Variants in PRKN observed in about 807,000 individuals in gnomAD.
The protein encoded by PRKN is E3 ubiquitin-protein ligase parkin.
Under a neutral mutation model 59.5 loss-of-function variants are expected in PRKN, and 56 were observed. That is an observed-to-expected ratio of 0.94 (90% CI 0.76 to 1.18). The LOEUF (loss-of-function observed/expected upper bound fraction) is 1.18, where lower values mean the gene tolerates loss of function less well. Ranked by LOEUF, PRKN falls within the 50% of genes most tolerant of loss-of-function variation. PRKN has a pLI of 0.00. For synonymous variants in PRKN, 250 were observed against 222.1 expected, an observed-to-expected ratio of 1.13 and a Z score of -1.12; for missense variants, 657 against 596.4, an observed-to-expected ratio of 1.10 and a Z score of -1.06.
intron 1 of PRKN, among the ~76,000 whole-genome samples, chr6:162,498,040 T>C (rs919150009): frequency 6.6e-5 from 10 of 152,158 alleles, no homozygotes; most frequent in Non-Finnish European, 8.8e-5. Context: ...AATTGTTATA[T>C]GTCTATTTAA....
intron 1 of PRKN, among the ~76,000 whole-genome samples, chr6:162,616,413 G>A (rs1256031712): frequency 4.6e-5 from 7 of 151,812 alleles, no homozygotes; most frequent in East Asian, 1.9e-4. Flanking sequence ...GCCCCACCCC[G>A]TTGCTATCAC....
intron 7 of PRKN, among the ~76,000 whole-genome samples, chr6:161,573,735 A>C (rs1780990182): frequency 2.9e-5 from 1 of 35,074 alleles, no homozygotes; most frequent in Non-Finnish European, 5.1e-5. Context: ...AAAAAAAAAA[A>C]AAAAAAAAAA....
At chr6:162,395,930 G>A (rs534698924) in intron 2 of PRKN, among the ~76,000 whole-genome samples, 1 of 152,306 alleles carries the variant, frequency 6.6e-6, no homozygotes, top group Middle Eastern at 3.4e-3. Flanking sequence ...CTAAGTTGTA[G>A]AACTCAGGCA....
intron 1 of PRKN, among the ~76,000 whole-genome samples, chr6:162,590,358 G>T (rs1181855815): frequency 6.6e-6 from 1 of 152,076 alleles, no homozygotes; most frequent in African/African-American, 2.4e-5. Flanking sequence ...TTAAATACCT[G>T]CTGATAAACA....
In PRKN at chr6:162,033,052, A is replaced by G. The variant is rs113387747; in HGVS notation, c.618+21039T>C. On this transcript the variant is annotated intron_variant, in intron 5 of 11. Coordinates refer to ENST00000366898, the MANE Select transcript of PRKN (RefSeq NM_004562.3). Reference sequence around the variant, plus strand: ...TCTTGGTTTAGAGAATTCTTGCCCAATCTTTCTGCCTCTTTTATTCCAGAC... The same window carrying G: ...TCTTGGTTTAGAGAATTCTTGCCCAGTCTTTCTGCCTCTTTTATTCCAGAC... Among the ~76,000 whole-genome samples, 313 of 152,230 alleles carry G rather than the reference A, an allele frequency of 2.1e-3. 1 individual carries two copies. The highest frequency in any genetic ancestry group is 6.9e-3 in the African/African-American group (287 of 41,556).
chr6:162,516,972 G>C (rs1777887930), intron 1 of PRKN, among the ~76,000 whole-genome samples: 1 of 151,984 alleles, frequency 6.6e-6, no homozygotes, highest in Admixed American at 6.6e-5. Context: ...AGGCAGAAGT[G>C]TAAATAAATG....
intron 6 of PRKN, among the ~76,000 whole-genome samples, chr6:161,886,746 T>G (rs765333689): frequency 1.3e-5 from 1 of 76,532 alleles, no homozygotes; most frequent in Non-Finnish European, 2.8e-5. Flanking sequence ...AATAAAATAA[T>G]AAAATAAAAA....
Position 162,702,634 on chromosome 6 carries a change from A to T in PRKN, c.7+25028T>A, listed in dbSNP as rs748347113. Among the ~76,000 whole-genome samples the T allele has an allele frequency of 1.7e-4, 26 of 152,336 alleles. 1 individual carries two copies. In the South Asian group the frequency reaches 2.5e-3, roughly 15 times the overall value. ...AAGAAACATTTCAAAAGCTGTATTC[A>T]CATTAAATCAACTTTCTGATTCGTG... On this transcript the variant is annotated intron_variant, in intron 1 of 11. Transcript: ENST00000366898.
chr6:161,888,335 C>T (rs965157784), intron 6 of PRKN, among the ~76,000 whole-genome samples: 15 of 152,152 alleles, frequency 9.9e-5, no homozygotes, highest in African/African-American at 3.6e-4. Context: ...TAGCTAGCAT[C>T]GAGGTCATTT....
chr6:162,417,665 A>G (rs1410941003), intron 2 of PRKN, among the ~76,000 whole-genome samples: 2 of 152,220 alleles, frequency 1.3e-5, no homozygotes, highest in Non-Finnish European at 2.9e-5. Context: ...CATAGCAGGG[A>G]ACCTCCCTGT....
chr6:161,750,866 G>A (rs1788662845), intron 7 of PRKN, among the ~76,000 whole-genome samples: 1 of 151,810 alleles, frequency 6.6e-6, no homozygotes, highest in South Asian at 2.1e-4. Flanking sequence ...AAGCAGATAA[G>A]GCTCTAGGTA....
At chr6:161,607,007 C>A (rs1211617362) in intron 7 of PRKN, among the ~76,000 whole-genome samples, 3 of 152,164 alleles carry the variant, frequency 2.0e-5, no homozygotes, top group African/African-American at 7.2e-5. Context: ...TGGATGACTG[C>A]ATGTTGATTG....
chr6:161,897,860 G>A (rs368935083), intron 6 of PRKN, among the ~76,000 whole-genome samples: 4 of 149,892 alleles, frequency 2.7e-5, no homozygotes, highest in Non-Finnish European at 5.9e-5. Context: ...CCAGCTACTC[G>A]GGAGGCTGAG....
intron 5 of PRKN, among the ~76,000 whole-genome samples, chr6:162,019,978 C>T (rs1227946441): frequency 1.3e-5 from 2 of 151,750 alleles, no homozygotes; most frequent in African/African-American, 4.8e-5. Context: ...AAGATTGTGA[C>T]ATTGCACTCC....
chr6:162,603,621 C>T (rs1002435), intron 1 of PRKN, among the ~76,000 whole-genome samples: 15,519 of 152,200 alleles, frequency 0.1, 916 homozygotes, highest in South Asian at 0.18. Flanking sequence ...CTAAAGTATC[C>T]TGTTTTCTAA....
intron 1 of PRKN, among the ~76,000 whole-genome samples, chr6:162,503,139 T>A (rs1359809357): frequency 6.9e-6 from 1 of 144,490 alleles, no homozygotes; most frequent in African/African-American, 2.6e-5. Flanking sequence ...TTCATTTCTT[T>A]TTTTTTTTTT....
At chr6:162,667,821 A>C (rs148763993) in intron 1 of PRKN, among the ~76,000 whole-genome samples, 1 of 152,126 alleles carries the variant, frequency 6.6e-6, no homozygotes, top group Non-Finnish European at 1.5e-5. Flanking sequence ...TTCTTCATCT[A>C]TAAGATGGGG....
At chr6:162,321,345 T>C (rs1439440404) in intron 2 of PRKN, among the ~76,000 whole-genome samples, 1 of 151,824 alleles carries the variant, frequency 6.6e-6, no homozygotes, top group African/African-American at 2.4e-5. Context: ...AAAGAAAACT[T>C]GAATAGACTT....
Position 162,558,753 on chromosome 6 carries a change from C to A in PRKN, c.8-115280G>T, listed in dbSNP as rs1274369648. 4.6e-5 allele frequency among the ~76,000 whole-genome samples: 7 copies of A among 151,976 alleles called. No homozygotes were observed. In the East Asian group the frequency reaches 9.7e-4, roughly 21 times the overall value. On this transcript the variant is annotated intron_variant, in intron 1 of 11. Transcript: ENST00000366898. ...TCCAAGGCTCAAGCGATTCTTCTGC[C>A]TCAGCCTCCTCTGTACCTGGGATGT... is the stretch of plus-strand genomic sequence containing the variant.
Sources: gnomAD v4.1 joint callset for allele counts (sites outside exome capture counted in the v4.1 genomes callset) on GRCh38, gnomAD v4.1.1 for gene constraint, MANE v1.5 for transcripts, NCBI Gene and HGNC (gene_info 2026-07-23, HGNC 2026-07-21) for gene names.